The following OTX2 variants were observed in gnomAD, a reference collection of about 807,000 sequenced individuals.
OTX2 encodes homeobox protein OTX2.
A neutral mutation model predicts 29.0 loss-of-function variants in OTX2; 4 were observed. That is an observed-to-expected ratio of 0.14 (90% CI 0.07 to 0.32). The LOEUF is 0.32. OTX2 is among the 10% of genes least tolerant of loss of function. The pLI, the probability that OTX2 is intolerant of heterozygous loss-of-function variation, is 1.00. For synonymous variants in OTX2, 134 were observed against 141.0 expected (o/e 0.95, Z 0.35); for missense variants, 298 against 365.9 (o/e 0.81, Z 1.51).
intron 2 of OTX2, among the ~76,000 whole-genome samples, chr14:56,809,452 G>C (rs1281869579): frequency 6.6e-6 from 1 of 152,188 alleles, no homozygotes; most frequent in Non-Finnish European, 1.5e-5. Flanking sequence ...AAGCTTTTGG[G>C]AGAAACAGAC....
Position 56,801,327 on chromosome 14 carries a change from C to T in OTX2, c.*408G>A, listed in dbSNP as rs1357328033. On this transcript the variant is annotated 3_prime_UTR_variant, in exon 5 of 5. Transcript: ENST00000672264. This position sits in a 1 kb window ranked among gnomAD's most constrained non-coding sequence, Gnocchi z 4.2. ...ATGAAACGTGAATGAGCTTGAGACA[C>T]TGTTCATTCCTAAGATTCAACCAAG... is the stretch of plus-strand genomic sequence containing the variant. The T allele has an allele frequency of 7.4e-6, 2 of 269,584 alleles. No homozygotes were observed. Among genetic ancestry groups the T allele is most frequent in the South Asian group, 9.4e-5 (2 of 21,200 alleles). The allele number at this position is 269,584 out of a possible 1,614,324, so 16.7% of individuals were successfully genotyped here.
rs1216205714 is a variant in OTX2, at chr14:56,802,014, C to G, written c.615G>C (p.Gly205=). 1 of 1,613,966 alleles carries G rather than the reference C, an allele frequency of 6.2e-7. No individual in the cohort carries two copies. Among genetic ancestry groups the G allele is most frequent in the African/African-American group, 1.3e-5 (1 of 74,884 alleles). Residue 205 remains glycine (G), a synonymous_variant, in exon 5 of 5, where the codon GGG becomes GGC. Transcript: ENST00000672264. This position sits in a 1 kb window ranked among gnomAD's most constrained non-coding sequence, Gnocchi z 4.4. ...QGYAGSTSYF[G]GMDCGSYLTP... is the part of the protein sequence containing the mutation. ...TCAAATATGATCCACAGTCCATGCC[C>G]CCAAAGTAGGAAGTTGAGCCAGCAT...
chr14:56,809,466 C>G (rs1308068198), intron 2 of OTX2, among the ~76,000 whole-genome samples: 1 of 152,222 alleles, frequency 6.6e-6, no homozygotes, highest in African/African-American at 2.4e-5. Context: ...AACAGACAAC[C>G]GAGCTGTGCT....
rs1566628232 is a variant in OTX2, at chr14:56,810,460, C to G, written c.-268G>C. The G allele has an allele frequency of 6.6e-6, 1 of 152,188 alleles. No homozygotes were observed. Among genetic ancestry groups the G allele is most frequent in the Non-Finnish European group, 1.5e-5 (1 of 68,056 alleles). The allele number at this position is 152,188 out of a possible 1,614,324, so 9.4% of individuals were successfully genotyped here. ...GCTGTGTTGGAGCTGAGGCCGGTCC[C>G]GCTCTCAGGGAGATTTGCTGAGAAA... On this transcript the variant is annotated 5_prime_UTR_variant, in exon 1 of 5. Transcript: ENST00000672264.
chr14:56,801,864 G>A lies in OTX2; in HGVS notation c.765C>T (p.Ser255=), dbSNP rs977939396. Residue 255 remains serine (S), a synonymous_variant, in exon 5 of 5, where the codon AGC becomes AGT. Transcript: ENST00000672264. The surrounding 1 kb of genome is among the most constrained non-coding windows in gnomAD (Gnocchi z 4.2). ...SLSTQGYGAS[S]LGFNSTTDCL... ...AATCAGTGGTTGAGTTAAAACCCAA[G>A]CTTGAAGCTCCATATCCCTGGGTGG... 1.2e-6 allele frequency: 2 copies of A among 1,614,204 alleles called. No individual in the cohort carries two copies. The highest frequency in any genetic ancestry group is 1.7e-6 in the Non-Finnish European group (2 of 1,180,048).
chr14:56,809,119 A>G (rs2139545315), intron 2 of OTX2, among the ~76,000 whole-genome samples: 1 of 151,724 alleles, frequency 6.6e-6, no homozygotes, highest in Admixed American at 6.5e-5. Context: ...CGCGCGGGCG[A>G]GCCCTGCCTC....
chr14:56,809,623 C>G (rs1422803988), intron 2 of OTX2, among the ~76,000 whole-genome samples: 1 of 152,130 alleles, frequency 6.6e-6, no homozygotes, highest in Non-Finnish European at 1.5e-5. Flanking sequence ...GGCCCCCGGC[C>G]CAGGCCGACC....
In OTX2 at chr14:56,802,036, G is replaced by A; in HGVS notation, c.593C>T (p.Ala198Val). The change falls in exon 5 of 5, where the codon GCT (alanine) becomes GTT (valine). Residue 198 changes from alanine to valine, a missense_variant. By Grantham distance (64) the Ala-to-Val change is moderately conservative (BLOSUM62 0). Around this residue, in one of 3 missense-constraint regions of OTX2, gnomAD observed 219 missense variants for 223.5 expected, o/e 0.98. Transcript: ENST00000672264. This position sits in a 1 kb window ranked among gnomAD's most constrained non-coding sequence, Gnocchi z 4.4. ...GCCCCCAAAGTAGGAAGTTGAGCCA[G>A]CATATCCTTGACTATAACCTGAAGC... ...TQASGYSQGY[A>V]GSTSYFGGMD... 6.2e-7 allele frequency: 1 copy of A among 1,614,172 alleles called. No homozygotes were observed.
rs774537529 is a variant in OTX2 at position 56,802,243 on chromosome 14, A to C, written c.386T>G (p.Val129Gly). 4 of 1,613,986 alleles carry C rather than the reference A, an allele frequency of 2.5e-6. No individual in the cohort carries two copies. Among genetic ancestry groups the C allele is most frequent in the South Asian group, 1.1e-5 (1 of 91,082 alleles). Residue 129 changes from valine (V) to glycine (G), a missense_variant, in exon 5 of 5, where the codon GTG becomes GGG. Val to Gly is a moderately radical substitution (Grantham distance 109). This residue lies in a region of OTX2 where 219 missense variants were observed against 223.5 expected (regional missense o/e 0.98). Transcript: ENST00000672264. The surrounding 1 kb of genome is among the most constrained non-coding windows in gnomAD (Gnocchi z 4.4). ...GCCACTTGTTCCACTCTCTGAACTC[A>C]CTTCCCGAGCTGGAGATGTCTTCTT... ...AKKKTSPARE[V>G]SSESGTSGQF...
Position 56,801,574 on chromosome 14 carries a change from C to CCT in OTX2, c.*159_*160dup. 1 of 732,324 alleles carries CCT rather than the reference C, an allele frequency of 1.4e-6. No individual in the cohort carries two copies. Among genetic ancestry groups the CCT allele is most frequent in the Non-Finnish European group, 2.3e-6 (1 of 427,936 alleles). 45.4% of individuals were successfully genotyped at this position (732,324 alleles called of 1,614,324 possible). A position where few individuals can be genotyped will look rare whatever the true frequency, so the allele number is the denominator to read the frequency against. On this transcript the variant is annotated 3_prime_UTR_variant, in exon 5 of 5. Transcript: ENST00000672264. This position sits in a 1 kb window ranked among gnomAD's most constrained non-coding sequence, Gnocchi z 4.2. ...ATTTCATGTTGCTGGTTTGTAGGCC[C>CCT]CTCTAAGGCCCTTCGTTTTTCCTTC...
In OTX2 at chr14:56,804,125, C is replaced by T; in HGVS notation, c.273+63G>A. ...CCTCTGAAAGACCTGGGGCTCTCCA[C>T]AGTCCCATACTCGGGAAGGGTGGCA... is the stretch of plus-strand genomic sequence containing the variant. On this transcript the variant is annotated intron_variant, in intron 4 of 4. Transcript: ENST00000672264. The surrounding 1 kb of genome is among the most constrained non-coding windows in gnomAD (Gnocchi z 4.1). 3.2e-6 allele frequency: 5 copies of T among 1,570,902 alleles called. No homozygotes were observed. Among genetic ancestry groups the T allele is most frequent in the Non-Finnish European group, 4.4e-6 (5 of 1,140,682 alleles).
rs990697953 is a variant in OTX2 at position 56,802,324 on chromosome 14, C to A, written c.305G>T (p.Arg102Leu). Residue 102 changes from arginine to leucine, a missense_variant, in exon 5 of 5, where the codon CGC becomes CTC. By Grantham distance (102) the Arg-to-Leu change is moderately radical. Around this residue, in one of 3 missense-constraint regions of OTX2, gnomAD observed 29 missense variants for 84.7 expected, o/e 0.34. Transcript: ENST00000672264. The surrounding 1 kb of genome is among the most constrained non-coding windows in gnomAD (Gnocchi z 4.4). ...ATTCTGCTGTTGTTGCTGTTGTTGG[C>A]GGCACTTAGCTCTTCGATTCTTAAA... ...VWFKNRRAKC[R>L]QQQQQQQNGG... is the part of the protein sequence containing the mutation. 6.2e-7 allele frequency: 1 copy of A among 1,613,914 alleles called. No individual in the cohort carries two copies. The highest frequency in any genetic ancestry group is 8.5e-7 in the Non-Finnish European group (1 of 1,180,022).
At chr14:56,803,430 T>G (rs1891964238) in intron 4 of OTX2, among the ~76,000 whole-genome samples, 1 of 152,204 alleles carries the variant, frequency 6.6e-6, no homozygotes, top group Non-Finnish European at 1.5e-5. Flanking sequence ...TTTCCCAATT[T>G]GCAGCTGACA....
chr14:56,808,714 G>A (rs1422005710), intron 2 of OTX2, among the ~76,000 whole-genome samples: 1 of 152,130 alleles, frequency 6.6e-6, no homozygotes, highest in Non-Finnish European at 1.5e-5. Flanking sequence ...AGGATGGAGG[G>A]GAGAATTTCT....
At chr14:56,810,062 G>A (rs1177703685) in intron 2 of OTX2, 97 bp downstream of exon 2, 1 of 152,222 alleles carries the variant, frequency 6.6e-6, no homozygotes, top group Non-Finnish European at 1.5e-5. Flanking sequence ...CACGTTCGCA[G>A]AGGGGCATCG....
In OTX2 at chr14:56,800,805, T is replaced by A. The variant is rs1891847386; in HGVS notation, c.*930A>T. ...CTTTTCCATTTAACATCTGCAAGCA[T>A]AAACGACAATGATCTCAGTTTAATA... On this transcript the variant is annotated 3_prime_UTR_variant, in exon 5 of 5. Coordinates refer to ENST00000672264, the MANE Select transcript of OTX2 (RefSeq NM_021728.4). 6.6e-6 allele frequency: 1 copy of A among 152,650 alleles called. No homozygotes were observed. 9.5% of individuals were successfully genotyped at this position (152,650 alleles called of 1,614,324 possible).
chr14:56,807,758 T>A (rs775663570), intron 2 of OTX2, among the ~76,000 whole-genome samples: 3 of 152,210 alleles, frequency 2.0e-5, no homozygotes, highest in African/African-American at 4.8e-5. Context: ...GGCCCTTCAA[T>A]CTAACTTTCA....
chr14:56,809,674 C>T (rs1447521055), intron 2 of OTX2, among the ~76,000 whole-genome samples: 2 of 152,208 alleles, frequency 1.3e-5, no homozygotes, highest in African/African-American at 4.8e-5. Flanking sequence ...CCCAAGGAGG[C>T]GCCTGGCTTT....
chr14:56,808,742 C>A (rs565837029), intron 2 of OTX2, among the ~76,000 whole-genome samples: 1 of 152,314 alleles, frequency 6.6e-6, no homozygotes, highest in African/African-American at 2.4e-5. Flanking sequence ...ACTTCCCCGT[C>A]CCCTCCCCAA....
Sources: gnomAD v4.1 joint callset for allele counts (sites outside exome capture counted in the v4.1 genomes callset) on GRCh38, gnomAD v4.1.1 for gene constraint, gnomAD v4.1.1 regional missense constraint, Gnocchi (gnomAD v3.1) non-coding constraint, MANE v1.5 for transcripts, NCBI Gene and HGNC (gene_info 2026-07-23, HGNC 2026-07-21) for gene names.